Variants in SLC24A2 observed in about 807,000 individuals in gnomAD.
SLC24A2 encodes the protein solute carrier family 24 member 2, also known as sodium/potassium/calcium exchanger 2.
Under a neutral mutation model 62.0 loss-of-function variants are expected in SLC24A2, and 36 were observed. The ratio of observed to expected loss-of-function variants is 0.58; its 90% CI spans 0.44 to 0.77. The LOEUF is 0.77. Ranked by LOEUF, SLC24A2 falls within the 30% of genes least tolerant of loss-of-function variation. The probability of loss-of-function intolerance (pLI) is 0.00; values close to 1 mark genes in which losing one functional copy is unlikely to be tolerated. For missense variants in SLC24A2, 846 were observed against 817.9 expected (o/e 1.03, Z -0.42); for synonymous variants, 358 against 294.0 (o/e 1.22, Z -2.23).
At chr9:19,795,212 C>G in the SLC24A2 span, among the ~76,000 whole-genome samples, 2 of 152,260 alleles carry the variant, frequency 1.3e-5, no homozygotes, top group South Asian at 4.1e-4. Context: ...ATGTGGTGGG[C>G]GTAGTGGGCT....
At chr9:20,237,206 T>A in the SLC24A2 span, among the ~76,000 whole-genome samples, 1 of 152,222 alleles carries the variant, frequency 6.6e-6, no homozygotes, top group Admixed American at 6.5e-5. Context: ...TTGTTCTGCT[T>A]GAGCATAAAG....
chr9:19,960,522 C>T, the SLC24A2 span, among the ~76,000 whole-genome samples: 1 of 152,256 alleles, frequency 6.6e-6, no homozygotes, highest in East Asian at 1.9e-4. Flanking sequence ...ATTGTGTGGG[C>T]TAAAGCAAAT....
At chr9:20,149,682 T>C in the SLC24A2 span, among the ~76,000 whole-genome samples, 1 of 152,090 alleles carries the variant, frequency 6.6e-6, no homozygotes, top group Non-Finnish European at 1.5e-5. Context: ...TCAACAATAT[T>C]ACTTTTCTTT....
chr9:20,026,454 A>G, the SLC24A2 span, among the ~76,000 whole-genome samples: 1 of 152,342 alleles, frequency 6.6e-6, no homozygotes, highest in Non-Finnish European at 1.5e-5. Context: ...AAAAATCCCT[A>G]GGACCATTTG....
At chr9:20,282,351 C>T in the SLC24A2 span, among the ~76,000 whole-genome samples, 1 of 152,026 alleles carries the variant, frequency 6.6e-6, no homozygotes, top group African/African-American at 2.4e-5. Flanking sequence ...AGAGTGAGTA[C>T]TTTTTCTAAT....
At chr9:20,058,870 AT>A in the SLC24A2 span, among the ~76,000 whole-genome samples, 1 of 152,216 alleles carries the variant, frequency 6.6e-6, no homozygotes, top group African/African-American at 2.4e-5. Context: ...TTCCGATAGA[AT>A]AACATCCATC....
the SLC24A2 span, among the ~76,000 whole-genome samples, chr9:20,189,672 G>A: frequency 6.6e-6 from 1 of 152,212 alleles, no homozygotes; most frequent in South Asian, 2.1e-4. Flanking sequence ...TCCCTTTGGA[G>A]AGCTAACAAT....
Position 19,632,966 on chromosome 9 carries a change from A to G in SLC24A2, c.931-10667T>C, listed in dbSNP as rs75787106. Among the ~76,000 whole-genome samples, 3,083 of 152,238 alleles carry G rather than the reference A, an allele frequency of 0.02. 55 individuals are homozygous for G. Among genetic ancestry groups the G allele is most frequent in the East Asian group, 0.093 (484 of 5,180 alleles). On this transcript the variant is annotated intron_variant, in intron 2 of 10. Transcript: ENST00000341998. The surrounding 1 kb of genome is among the most constrained non-coding windows in gnomAD (Gnocchi z 4.5). ...CCTTGTGCTATCCCTTTAGGTCTAC[A>G]CCCATTCCCACACCTGCCTGCTAAT...
At chr9:19,752,556 C>T (rs1195924238) in intron 2 of SLC24A2, among the ~76,000 whole-genome samples, 1 of 152,060 alleles carries the variant, frequency 6.6e-6, no homozygotes, top group East Asian at 1.9e-4. Flanking sequence ...CCCTTGGGAG[C>T]GCCATCACAC....
the SLC24A2 span, among the ~76,000 whole-genome samples, chr9:20,235,390 G>A: frequency 9.9e-5 from 15 of 152,222 alleles, no homozygotes; most frequent in East Asian, 5.8e-4. Flanking sequence ...CGAACTTCCC[G>A]CCGCTTTGTT....
the SLC24A2 span, among the ~76,000 whole-genome samples, chr9:19,898,017 G>T: frequency 2.4e-4 from 37 of 152,336 alleles, no homozygotes; most frequent in African/African-American, 8.7e-4. Context: ...TACAGCAGAG[G>T]AATTGGATTT....
At chr9:19,710,634 A>G (rs1225905040) in intron 2 of SLC24A2, among the ~76,000 whole-genome samples, 2 of 152,166 alleles carry the variant, frequency 1.3e-5, no homozygotes, top group Non-Finnish European at 2.9e-5. Context: ...GAAAGAAGGA[A>G]AATGATATGA....
At chr9:19,945,330 GAGAGAGAGAACATA>G in the SLC24A2 span, among the ~76,000 whole-genome samples, 1 of 152,056 alleles carries the variant, frequency 6.6e-6, no homozygotes, top group Non-Finnish European at 1.5e-5. Context: ...GGAGGGAGGG[GAGAGAGAGAACATA>G]AAAGATTGAG....
chr9:20,260,434 C>T, the SLC24A2 span, among the ~76,000 whole-genome samples: 1 of 152,144 alleles, frequency 6.6e-6, no homozygotes, highest in African/African-American at 2.4e-5. Flanking sequence ...GAAATAATAA[C>T]TTTTTAAAGT....
chr9:19,741,635 T>G (rs1473883336), intron 2 of SLC24A2, among the ~76,000 whole-genome samples: 1 of 152,200 alleles, frequency 6.6e-6, no homozygotes, highest in Non-Finnish European at 1.5e-5. Context: ...TTTAGATAAT[T>G]AACAACTTTC....
chr9:19,707,793 A>G (rs1316619496), intron 2 of SLC24A2, among the ~76,000 whole-genome samples: 5 of 152,198 alleles, frequency 3.3e-5, no homozygotes. Flanking sequence ...CCCACAGCCA[A>G]TATCATACTG....
At chr9:20,210,251 C>G in the SLC24A2 span, among the ~76,000 whole-genome samples, 1 of 152,202 alleles carries the variant, frequency 6.6e-6, no homozygotes, top group Non-Finnish European at 1.5e-5. Flanking sequence ...GGCAGAGAAG[C>G]AGGTGGCCTC....
chr9:20,277,595 T>A, the SLC24A2 span, among the ~76,000 whole-genome samples: 1 of 152,168 alleles, frequency 6.6e-6, no homozygotes, highest in Non-Finnish European at 1.5e-5. Context: ...CAACAGGTGC[T>A]GGAGAGGATG....
intron 2 of SLC24A2, among the ~76,000 whole-genome samples, chr9:19,676,742 T>C (rs1217782722): frequency 6.6e-6 from 1 of 152,202 alleles, no homozygotes; most frequent in Non-Finnish European, 1.5e-5. Flanking sequence ...TACAATTTTG[T>C]CCACTATTGA....
Sources: allele counts gnomAD v4.1 joint callset (sites outside exome capture counted in the v4.1 genomes callset), GRCh38; gene constraint gnomAD v4.1.1; non-coding constraint Gnocchi (gnomAD v3.1); transcripts MANE v1.5; gene names NCBI Gene and HGNC (gene_info 2026-07-23, HGNC 2026-07-21).